SLC25A23: variants seen among roughly 807,000 people sequenced by gnomAD.
The protein encoded by SLC25A23 is mitochondrial adenyl nucleotide antiporter SLC25A23.
In SLC25A23, 32 loss-of-function variants were observed where a neutral mutation model predicts 53.9. That is an observed-to-expected ratio of 0.59 (90% CI 0.45 to 0.80). The LOEUF (loss-of-function observed/expected upper bound fraction) is 0.80. SLC25A23 is among the 30% of genes least tolerant of loss of function. SLC25A23 has a pLI of 0.00. For synonymous variants in SLC25A23, 275 were observed against 264.5 expected, an observed-to-expected ratio of 1.04 and a Z score of -0.38; for missense variants, 575 against 651.4, an observed-to-expected ratio of 0.88 and a Z score of 1.28.
At chr19:6,442,712 C>G (rs1568361540) in intron 9 of SLC25A23, among the ~76,000 whole-genome samples, 1 of 152,172 alleles carries the variant, frequency 6.6e-6, no homozygotes, top group Non-Finnish European at 1.5e-5. Flanking sequence ...CCTTGCCCGG[C>G]TAATTTTTTT....
Position 6,453,981 on chromosome 19 carries a change from C to A in SLC25A23, c.903G>T (p.Glu301Asp). 6.2e-7 allele frequency: 1 copy of A among 1,611,294 alleles called. No homozygotes were observed. The highest frequency in any genetic ancestry group is 1.3e-5 in the African/African-American group (1 of 75,052). Residue 301 changes from glutamate (E) to aspartate (D), a missense_variant and splice_region_variant, in exon 7 of 10, where the codon GAG becomes GAT. Transcript: ENST00000301454. ...CTCCGCTGGGGTCCCTCCTTCTCACCTCCATAGGGTAAATGATGGTTTGGG... is the reference window on the plus strand; with the variant it reads ...CTCCGCTGGGGTCCCTCCTTCTCACATCCATAGGGTAAATGATGGTTTGGG... Reference protein sequence around the residue: ...ATAQTIIYPMEVLKTRLTLRR... With the variant: ...ATAQTIIYPMDVLKTRLTLRR...
At chr19:6,436,243 G>T (rs930412793), downstream of SLC25A23, 1 of 301,414 alleles carries the variant, frequency 3.3e-6, no homozygotes, top group African/African-American at 2.2e-5. Context: ...ATCAGTGTTT[G>T]AAGTATAAGA....
chr19:6,455,719 T>TG (rs2092670959), intron 4 of SLC25A23, among the ~76,000 whole-genome samples: 9 of 63,814 alleles, frequency 1.4e-4, no homozygotes, highest in South Asian at 4.4e-4. Context: ...TTTTTTTTTT[T>TG]TTTTTTTTTT....
At chr19:6,453,290 A>T (rs2092621352) in intron 7 of SLC25A23, among the ~76,000 whole-genome samples, 2 of 137,108 alleles carry the variant, frequency 1.5e-5, no homozygotes, top group Admixed American at 8.2e-5. Flanking sequence ...GCCCAGACTG[A>T]GTGCAGTGAC....
In SLC25A23 at chr19:6,447,114, T is replaced by C. The variant is rs528660184; in HGVS notation, c.1072-2813A>G. Among the ~76,000 whole-genome samples the C allele has an allele frequency of 2.0e-5, 3 of 152,332 alleles. No homozygotes were observed. In the South Asian group the frequency reaches 6.2e-4, roughly 32 times the overall value. ...ATTTTGCACTTCTGGCCTCTGGAAC[T>C]GTGAGACAATAACTTTCTGTTGTTT... On this transcript the variant is annotated intron_variant, in intron 8 of 9. Coordinates refer to ENST00000301454, the MANE Select transcript of SLC25A23 (RefSeq NM_024103.3).
Position 6,444,176 on chromosome 19 carries a change from C to T in SLC25A23, c.1197G>A (p.Leu399=), listed in dbSNP as rs765346299. The change falls in exon 9 of 10, where the codon CTG becomes CTA. Residue 399 remains leucine (L), a synonymous_variant. Transcript: ENST00000301454. ...CGQIASYPLA[L]VRTRMQAQAS... is the part of the protein sequence containing the mutation. ...CTTGTGCCTGCATGCGGGTCCGGAC[C>T]AGGGCCAGCGGGTAACTGGCTATCT... 1.4e-5 allele frequency: 23 copies of T among 1,595,286 alleles called. No individual in the cohort carries two copies. Among genetic ancestry groups the T allele is most frequent in the Non-Finnish European group, 1.9e-5 (22 of 1,170,820 alleles).
intron 8 of SLC25A23, among the ~76,000 whole-genome samples, chr19:6,446,151 G>A (rs1464974993): frequency 6.6e-6 from 1 of 152,004 alleles, no homozygotes; most frequent in African/African-American, 2.4e-5. Context: ...ATCACTTGAG[G>A]TCAGGAGTTC....
Position 6,440,167 on chromosome 19 carries a change from G to C in SLC25A23, c.*1808C>G, listed in dbSNP as rs896423740. Reference sequence around the variant, plus strand: ...AGGTCGAAGGAGGTGGAAGCGTGCGGAAGTCCTCCAGCCCCTCCCCAAATC... The same window carrying C: ...AGGTCGAAGGAGGTGGAAGCGTGCGCAAGTCCTCCAGCCCCTCCCCAAATC... On this transcript the variant is annotated 3_prime_UTR_variant, in exon 10 of 10. Transcript: ENST00000301454. 1 of 152,400 alleles carries C rather than the reference G, an allele frequency of 6.6e-6. No homozygotes were observed. Among genetic ancestry groups the C allele is most frequent in the African/African-American group, 2.4e-5 (1 of 41,404 alleles). 9.4% of individuals were successfully genotyped at this position (152,400 alleles called of 1,614,324 possible).
chr19:6,439,393 TCTCTCTCACACACACA>T (rs1450520650), downstream of SLC25A23, among the ~76,000 whole-genome samples: 44 of 129,504 alleles, frequency 3.4e-4, no homozygotes, highest in South Asian at 6.3e-3. Context: ...TATCTCTCTC[TCTCTCTCACACACACA>T]CACACACACA....
At position 6,459,776 on chromosome 19, in the gene SLC25A23, T is replaced by G; in HGVS notation, c.-148A>C. Reference sequence around the variant, plus strand: ...CGCGCAGTCCGCTCGGCTCTGGCACTTGCGGGAGGTGGTGACGGCTAGCCG... The same window carrying G: ...CGCGCAGTCCGCTCGGCTCTGGCACGTGCGGGAGGTGGTGACGGCTAGCCG... On this transcript the variant is annotated 5_prime_UTR_variant, in exon 1 of 10. Transcript: ENST00000301454. The surrounding 1 kb of genome is among the most constrained non-coding windows in gnomAD (Gnocchi z 4.6). 3.3e-6 allele frequency: 2 copies of G among 599,844 alleles called. No individual in the cohort carries two copies. Among genetic ancestry groups the G allele is most frequent in the Non-Finnish European group, 2.3e-6 (1 of 427,260 alleles). The allele number at this position is 599,844 out of a possible 1,614,324, so 37.2% of individuals were successfully genotyped here.
Position 6,454,863 on chromosome 19 carries a change from G to C in SLC25A23, c.484-146C>G. On this transcript the variant is annotated intron_variant, in intron 4 of 9. Transcript: ENST00000301454. The surrounding 1 kb of genome is among the most constrained non-coding windows in gnomAD (Gnocchi z 4.3). ...TGCTTGGAGACCCCAGAAGAGTCCT[G>C]TTGGGTCCTACCAGGTGTCACCAAA... The C allele has an allele frequency of 2.2e-6, 2 of 921,402 alleles. No homozygotes were observed. The highest frequency in any genetic ancestry group is 3.2e-6 in the Non-Finnish European group (2 of 621,422). The allele number at this position is 921,402 out of a possible 1,614,324, so 57.1% of individuals were successfully genotyped here.
chr19:6,457,797 T>G lies in SLC25A23; in HGVS notation c.284-207A>C, dbSNP rs1347116944. ...TGGAACTGGGAAATACTGGGGGGGC[T>G]TCTCTGTTCTGTAAATGAATGAAGG... On this transcript the variant is annotated intron_variant, in intron 2 of 9. Coordinates refer to ENST00000301454, the MANE Select transcript of SLC25A23 (RefSeq NM_024103.3). Among the ~76,000 whole-genome samples, 10 of 152,028 alleles carry G rather than the reference T, an allele frequency of 6.6e-5. No individual in the cohort carries two copies. In the East Asian group the frequency reaches 1.7e-3, roughly 26 times the overall value.
At chr19:6,451,474 G>T (rs1025260409) in intron 8 of SLC25A23, among the ~76,000 whole-genome samples, 2 of 152,208 alleles carry the variant, frequency 1.3e-5, no homozygotes, top group Admixed American at 1.3e-4. Flanking sequence ...CCGAGCATGG[G>T]GCTCTCTGCG....
At position 6,441,847 on chromosome 19, in the gene SLC25A23, A is replaced by G; in HGVS notation, c.*128T>C. ...CATGACCCAATGGTTGGGGCATAGG[A>G]GTCTAGGATCCAGGATCTGGGTACT... On this transcript the variant is annotated 3_prime_UTR_variant, in exon 10 of 10. Coordinates refer to ENST00000301454, the MANE Select transcript of SLC25A23 (RefSeq NM_024103.3). 1.2e-6 allele frequency: 1 copy of G among 800,944 alleles called. No individual in the cohort carries two copies. 49.6% of individuals were successfully genotyped at this position (800,944 alleles called of 1,614,324 possible).
rs1008238824 is a variant in SLC25A23 at position 6,447,761 on chromosome 19, C to T, written c.1072-3460G>A. ...TCTCAGCTCACTGCAACCTCCACCT[C>T]CCGGGTTCAAGAAATTCTCCTGTCT... On this transcript the variant is annotated intron_variant, in intron 8 of 9. Coordinates refer to ENST00000301454, the MANE Select transcript of SLC25A23 (RefSeq NM_024103.3). Among the ~76,000 whole-genome samples, 3 of 152,192 alleles carry T rather than the reference C, an allele frequency of 2.0e-5. No individual in the cohort carries two copies. In the South Asian group the frequency reaches 6.2e-4, roughly 32 times the overall value.
At chr19:6,452,201 T>C (rs529123931) in intron 8 of SLC25A23, 111 bp downstream of exon 8, 1 of 1,455,886 alleles carries the variant, frequency 6.9e-7, no homozygotes, top group African/African-American at 1.4e-5. Flanking sequence ...CATAACTGCC[T>C]TTCTCTAACT....
At position 6,459,498 on chromosome 19, in the gene SLC25A23, C is replaced by A. The variant is rs1269283637; in HGVS notation, c.131G>T (p.Gly44Val). ...CTGTTGGGCGCCGGGGTCTGGGTTG[C>A]CCCCGCCCAGCCTGGCCAGCCCCTG... Reference protein sequence around the residue: ...LRQGLARLGGGNPDPGAQQGI... With the variant: ...LRQGLARLGGVNPDPGAQQGI... Residue 44 changes from glycine to valine, a missense_variant, in exon 1 of 10, where the codon GGC (glycine) becomes GTC (valine). Transcript: ENST00000301454. This position sits in a 1 kb window ranked among gnomAD's most constrained non-coding sequence, Gnocchi z 4.6. 2 of 1,593,512 alleles carry A rather than the reference C, an allele frequency of 1.3e-6. No homozygotes were observed. Among genetic ancestry groups the A allele is most frequent in the Non-Finnish European group, 1.7e-6 (2 of 1,175,716 alleles).
At chr19:6,452,261 T>C (rs780477653) in intron 8 of SLC25A23, 51 bp downstream of exon 8, 6 of 1,564,300 alleles carry the variant, frequency 3.8e-6, no homozygotes, top group Non-Finnish European at 5.2e-6. Context: ...GGGTGTCCTG[T>C]GGGTAAATCC....
rs1019290612 is a variant in SLC25A23, at chr19:6,452,213, T to C, written c.1071+99A>G. Reference sequence around the variant, plus strand: ...CCTCATAACTGCCTTTCTCTAACTATAGCAGGTCAACTGAGCCAGCCCCAG... The same window carrying C: ...CCTCATAACTGCCTTTCTCTAACTACAGCAGGTCAACTGAGCCAGCCCCAG... On this transcript the variant is annotated intron_variant, in intron 8 of 9. Transcript: ENST00000301454. 13 of 1,497,264 alleles carry C rather than the reference T, an allele frequency of 8.7e-6. No homozygotes were observed. The African/African-American group carries it at 1.8e-4, about 21-fold the overall frequency. The allele number at this position is 1,497,264 out of a possible 1,614,324, so 92.7% of individuals were successfully genotyped here.
Sources: allele counts gnomAD v4.1 joint callset (sites outside exome capture counted in the v4.1 genomes callset), GRCh38; gene constraint gnomAD v4.1.1; non-coding constraint Gnocchi (gnomAD v3.1); transcripts MANE v1.5; gene names NCBI Gene and HGNC (gene_info 2026-07-23, HGNC 2026-07-21).